The following KIF26B variants were observed in gnomAD, a reference collection of about 807,000 sequenced individuals.
The protein encoded by KIF26B is kinesin-like protein KIF26B.
Under a neutral mutation model 151.2 loss-of-function variants are expected in KIF26B, and 63 were observed. The observed-to-expected ratio is 0.42, with a 90% CI of 0.34 to 0.51. The LOEUF (loss-of-function observed/expected upper bound fraction) is 0.51. Ranked by LOEUF, KIF26B falls within the 20% of genes least tolerant of loss-of-function variation. The pLI, the probability that KIF26B is intolerant of heterozygous loss-of-function variation, is 0.07. For synonymous variants in KIF26B, 1,357 were observed against 1,262.1 expected (o/e 1.08, Z -1.59); for missense variants, 2,813 against 2,913.6 (o/e 0.97, Z 0.79).
chr1:245,224,380 C>A (rs1351019806), intron 2 of KIF26B, among the ~76,000 whole-genome samples: 1 of 152,132 alleles, frequency 6.6e-6, no homozygotes, highest in African/African-American at 2.4e-5. Context: ...TCAGGAAGGG[C>A]GTATACGCAG....
chr1:245,563,470 G>T lies in KIF26B; in HGVS notation c.1350+22520G>T, dbSNP rs1296853470. ...CTCCTGCCCATTGGATGATGTTGCT[G>T]TATCTCCAATTATATTTTGAAACTT... is the stretch of plus-strand genomic sequence containing the variant. On this transcript the variant is annotated intron_variant, in intron 5 of 14. Coordinates refer to ENST00000407071, the MANE Select transcript of KIF26B (RefSeq NM_018012.4). The surrounding 1 kb of genome is among the most constrained non-coding windows in gnomAD (Gnocchi z 4.6). Among the ~76,000 whole-genome samples the T allele has an allele frequency of 2.0e-5, 3 of 152,170 alleles. No homozygotes were observed. The highest frequency in any genetic ancestry group is 4.4e-5 in the Non-Finnish European group (3 of 68,028).
chr1:245,563,782 G>A lies in KIF26B; in HGVS notation c.1350+22832G>A, dbSNP rs554860544. Among the ~76,000 whole-genome samples the A allele has an allele frequency of 6.2e-4, 93 of 150,786 alleles. No individual in the cohort carries two copies. The highest frequency in any genetic ancestry group is 1.7e-3 in the African/African-American group (72 of 41,156). On this transcript the variant is annotated intron_variant, in intron 5 of 14. Coordinates refer to ENST00000407071, the MANE Select transcript of KIF26B (RefSeq NM_018012.4). This position sits in a 1 kb window ranked among gnomAD's most constrained non-coding sequence, Gnocchi z 4.6. The stretch of plus-strand genomic sequence containing the variant: ...GAATATGTAACGCAATTACCGCTGC[G>A]TTACCAGCAATCCCAAGAGGACCCC...
At chr1:245,356,585 A>G (rs1002071125) in intron 2 of KIF26B, among the ~76,000 whole-genome samples, 3 of 151,836 alleles carry the variant, frequency 2.0e-5, no homozygotes, top group African/African-American at 7.3e-5. Context: ...AAAAATTCCT[A>G]AGAAAGATGA....
chr1:245,609,436 C>T lies in KIF26B; in HGVS notation c.1822C>T (p.Arg608Trp), dbSNP rs748801389. ...VEVWGKEENL[R>W]DLLSEVATGS... ...AGTGTGGGGGAAGGAGGAGAACCTG[C>T]GGGACCTGCTGTCGGAGGTGGCCAC... Residue 608 changes from arginine to tryptophan, a missense_variant, in exon 8 of 15, where the codon CGG becomes TGG. Around this residue, in one of 3 missense-constraint regions of KIF26B, gnomAD observed 77 missense variants for 136.9 expected, o/e 0.56. Coordinates refer to ENST00000407071, the MANE Select transcript of KIF26B (RefSeq NM_018012.4). The T allele has an allele frequency of 4.4e-6, 7 of 1,606,918 alleles. No homozygotes were observed. The highest frequency in any genetic ancestry group is 2.2e-5 in the South Asian group (2 of 89,416).
At chr1:245,278,463 T>C (rs1670977801) in intron 2 of KIF26B, among the ~76,000 whole-genome samples, 1 of 152,200 alleles carries the variant, frequency 6.6e-6, no homozygotes, top group African/African-American at 2.4e-5. Flanking sequence ...CCTAAATCGA[T>C]AGCCTTGACA....
intron 4 of KIF26B, among the ~76,000 whole-genome samples, chr1:245,456,642 A>T (rs1304063911): frequency 6.6e-6 from 1 of 152,102 alleles, no homozygotes; most frequent in Non-Finnish European, 1.5e-5. Context: ...CCATTAGGAT[A>T]TTTGGGTTTT....
At chr1:245,502,797 TG>T (rs1408575910) in intron 4 of KIF26B, among the ~76,000 whole-genome samples, 3 of 151,972 alleles carry the variant, frequency 2.0e-5, no homozygotes, top group Non-Finnish European at 4.4e-5. Context: ...CCAACTGTTT[TG>T]TCATGACAGG....
Position 245,602,755 on chromosome 1 carries a change from A to G in KIF26B, c.1529A>G (p.Asp510Gly). Residue 510 changes from aspartate to glycine, a missense_variant, in exon 6 of 15, where the codon GAT becomes GGT. By Grantham distance (94) the Asp-to-Gly change is moderately conservative. Coordinates refer to ENST00000407071, the MANE Select transcript of KIF26B (RefSeq NM_018012.4). This position sits in a 1 kb window ranked among gnomAD's most constrained non-coding sequence, Gnocchi z 4.5. ...NQVPPKMFAF[D>G]AVFPQDASQA... ...GTTCCTCCAAAGATGTTTGCCTTCG[A>G]TGCAGTTTTTCCACAAGACGCTTCT... 6.2e-7 allele frequency: 1 copy of G among 1,613,884 alleles called. No homozygotes were observed. The highest frequency in any genetic ancestry group is 8.5e-7 in the Non-Finnish European group (1 of 1,179,906).
chr1:245,558,031 G>A (rs115501507), intron 5 of KIF26B, among the ~76,000 whole-genome samples: 77 of 152,230 alleles, frequency 5.1e-4, no homozygotes, highest in Non-Finnish European at 9.6e-4. Flanking sequence ...AGTATGGAAC[G>A]GATGACTGCT....
At chr1:245,680,632 G>T (rs1377641495) in intron 10 of KIF26B, among the ~76,000 whole-genome samples, 1 of 152,214 alleles carries the variant, frequency 6.6e-6, no homozygotes, top group African/African-American at 2.4e-5. Context: ...TCTGCCGTCA[G>T]CTGTGTGCAG....
chr1:245,449,176 C>G (rs542513600), intron 4 of KIF26B, among the ~76,000 whole-genome samples: 32 of 152,344 alleles, frequency 2.1e-4, no homozygotes, highest in Non-Finnish European at 4.6e-4. Context: ...GAGTCTGCAG[C>G]TGCCATCGGC....
intron 10 of KIF26B, among the ~76,000 whole-genome samples, chr1:245,664,692 A>G (rs2044194213): frequency 6.6e-6 from 1 of 152,214 alleles, no homozygotes; most frequent in South Asian, 2.1e-4. Context: ...AAAGGTTAAA[A>G]CTGCTTTATA....
At chr1:245,573,131 A>G (rs1408822130) in intron 5 of KIF26B, among the ~76,000 whole-genome samples, 1 of 152,246 alleles carries the variant, frequency 6.6e-6, no homozygotes, top group Non-Finnish European at 1.5e-5. Context: ...ATTGTCCCCA[A>G]GAGGGTTACA....
intron 4 of KIF26B, among the ~76,000 whole-genome samples, chr1:245,472,398 CA>C (rs1659936014): frequency 1.3e-5 from 2 of 152,140 alleles, no homozygotes; most frequent in Admixed American, 6.5e-5. Context: ...ATCCCTTATT[CA>C]GAACACTTGA....
At chr1:245,337,971 C>T (rs1672268190) in intron 2 of KIF26B, among the ~76,000 whole-genome samples, 2 of 152,110 alleles carry the variant, frequency 1.3e-5, no homozygotes, top group African/African-American at 4.8e-5. Context: ...ACCAACAAAG[C>T]GACAGCTAAC....
rs1771495 is a variant in KIF26B, at chr1:245,564,038, G to A, written c.1350+23088G>A. On this transcript the variant is annotated intron_variant, in intron 5 of 14. Transcript: ENST00000407071. This position sits in a 1 kb window ranked among gnomAD's most constrained non-coding sequence, Gnocchi z 4.6. ...TTCATTTCGCAGCTAGATTGCTCGT[G>A]AACAGCTAAGCAGGTCACGCTGAGC... Among the ~76,000 whole-genome samples the A allele has an allele frequency of 0.15, 23,186 of 152,066 alleles. 3,898 individuals are homozygous for A. Among genetic ancestry groups the A allele is most frequent in the African/African-American group, 0.41 (17,166 of 41,408 alleles).
chr1:245,689,835 G>A (rs910493428), intron 12 of KIF26B, among the ~76,000 whole-genome samples: 18 of 152,164 alleles, frequency 1.2e-4, no homozygotes, highest in Non-Finnish European at 7.3e-5. Context: ...TGGGATTACA[G>A]GCGTGAGCCA....
chr1:245,537,195 C>T (rs1661507246), intron 4 of KIF26B, among the ~76,000 whole-genome samples: 1 of 152,222 alleles, frequency 6.6e-6, no homozygotes, highest in Non-Finnish European at 1.5e-5. Context: ...ATATGCCCAT[C>T]TCCATCTCGG....
chr1:245,248,166 T>C (rs1415098739), intron 2 of KIF26B, among the ~76,000 whole-genome samples: 1 of 152,136 alleles, frequency 6.6e-6, no homozygotes, highest in East Asian at 1.9e-4. Flanking sequence ...AGTATACTTT[T>C]ATACCCCAAA....
Sources: allele counts gnomAD v4.1 joint callset (sites outside exome capture counted in the v4.1 genomes callset), GRCh38; gene constraint gnomAD v4.1.1; regional missense constraint gnomAD v4.1.1; non-coding constraint Gnocchi (gnomAD v3.1); transcripts MANE v1.5; gene names NCBI Gene and HGNC (gene_info 2026-07-23, HGNC 2026-07-21).